PCDHA10: variants seen among roughly 807,000 people sequenced by gnomAD.
PCDHA10 encodes the protein protocadherin alpha-10.
In PCDHA10, 45 loss-of-function variants were observed where a neutral mutation model predicts 61.2. The observed-to-expected ratio is 0.74, with a 90% CI of 0.58 to 0.94. The LOEUF (loss-of-function observed/expected upper bound fraction) is 0.94. Among genes scored for constraint, PCDHA10 ranks in the 40% least tolerant of loss-of-function variants. PCDHA10 has a pLI of 0.00. For synonymous variants in PCDHA10, 602 were observed against 548.8 expected (o/e 1.10, Z -1.35); for missense variants, 1,278 against 1,236.2 (o/e 1.03, Z -0.51).
chr5:141,007,671 A>G (rs1161141271), intron 3 of PCDHA10, among the ~76,000 whole-genome samples: 1 of 152,184 alleles, frequency 6.6e-6, no homozygotes, highest in African/African-American at 2.4e-5. Context: ...TTACAAAGAC[A>G]AAAGTTATCC....
At position 140,927,035 on chromosome 5, in the gene PCDHA10, C is replaced by A. The variant is rs1554203936; in HGVS notation, c.2389-51914C>A. 2 of 1,612,296 alleles carry A rather than the reference C, an allele frequency of 1.2e-6. No homozygotes were observed. The highest frequency in any genetic ancestry group is 1.7e-6 in the Non-Finnish European group (2 of 1,178,902). Reference sequence around the variant, plus strand: ...TCCGCGGACTTGAGGCTGCCAGCGGCCGCTATGTCCTCGCGGAACTTTCGC... The same window carrying A: ...TCCGCGGACTTGAGGCTGCCAGCGGACGCTATGTCCTCGCGGAACTTTCGC... On this transcript the variant is annotated intron_variant, in intron 1 of 3. Transcript: ENST00000307360.
At position 140,855,909 on chromosome 5, in the gene PCDHA10, A is replaced by C. The variant is rs1554148009; in HGVS notation, c.-140A>C. The stretch of plus-strand genomic sequence containing the variant: ...GAACAAAGGCATCAGCCAGTTTCTC[A>C]AGGACTAGGAAGTAGCGTCATTCTG... On this transcript the variant is annotated 5_prime_UTR_variant, in exon 1 of 4. Coordinates refer to ENST00000307360, the MANE Select transcript of PCDHA10 (RefSeq NM_018901.4). The C allele has an allele frequency of 6.1e-6, 7 of 1,151,572 alleles. 1 individual carries two copies. The highest frequency in any genetic ancestry group is 4.6e-5 in the African/African-American group (3 of 65,014). 71.3% of individuals were successfully genotyped at this position (1,151,572 alleles called of 1,614,324 possible). A position where few individuals can be genotyped will look rare whatever the true frequency, so the allele number is the denominator to read the frequency against.
intron 1 of PCDHA10, chr5:140,881,460 G>T: frequency 1.6e-6 from 1 of 637,280 alleles, no homozygotes; most frequent in Non-Finnish European, 2.0e-6. Flanking sequence ...AAACCTTAGA[G>T]CATTGTTGTG....
At chr5:140,982,240 A>G (rs1257297614) in intron 2 of PCDHA10, 14 of 694,558 alleles carry the variant, frequency 2.0e-5, no homozygotes, top group Admixed American at 3.6e-5. Flanking sequence ...CAGAATTGCC[A>G]TAAAGATAGA....
chr5:140,973,078 C>T (rs111586419), intron 1 of PCDHA10, among the ~76,000 whole-genome samples: 5,544 of 152,208 alleles, frequency 0.036, 303 homozygotes, highest in African/African-American at 0.12. Context: ...GTGGGCCCAG[C>T]TGGCACAACA....
intron 1 of PCDHA10, chr5:140,876,557 A>C: frequency 6.2e-7 from 1 of 1,614,156 alleles, no homozygotes; most frequent in Admixed American, 1.7e-5. Context: ...GTGCAAGAGG[A>C]TGCTCAGGTG....
chr5:140,856,398 A>G lies in PCDHA10; in HGVS notation c.350A>G (p.His117Arg). Residue 117 changes from histidine (H) to arginine (R), a missense_variant, in exon 1 of 4, where the codon CAT (histidine) becomes CGT (arginine). His to Arg is a conservative substitution (Grantham distance 29, BLOSUM62 0). Coordinates refer to ENST00000307360, the MANE Select transcript of PCDHA10 (RefSeq NM_018901.4). ...GTGGACAGGCCGCTGCAGGTTTTCC[A>G]TGTGGACGTGGAAGTGAAGGACATT... ...VIVDRPLQVF[H>R]VDVEVKDIND... is the part of the protein sequence containing the mutation. 1 of 1,598,482 alleles carries G rather than the reference A, an allele frequency of 6.3e-7. No individual in the cohort carries two copies. The highest frequency in any genetic ancestry group is 8.6e-7 in the Non-Finnish European group (1 of 1,167,966).
Position 140,895,311 on chromosome 5 carries a change from C to T in PCDHA10, c.2388+36875C>T, listed in dbSNP as rs572826090. 2.0e-5 allele frequency among the ~76,000 whole-genome samples: 3 copies of T among 152,252 alleles called. No homozygotes were observed. The South Asian group carries it at 6.2e-4, about 32-fold the overall frequency. On this transcript the variant is annotated intron_variant, in intron 1 of 3. Transcript: ENST00000307360. ...GACCTTCGATTTCCCCCCTTCCACC[C>T]ATGACTATTGTTCTCAAATTGTTTT...
chr5:140,954,360 A>G (rs1203050549), intron 1 of PCDHA10, among the ~76,000 whole-genome samples: 2 of 152,212 alleles, frequency 1.3e-5, no homozygotes, highest in African/African-American at 4.8e-5. Flanking sequence ...GAATCGCCAC[A>G]CAGTCTCCCA....
At chr5:140,911,968 T>A (rs1554195054) in intron 1 of PCDHA10, among the ~76,000 whole-genome samples, 2 of 152,138 alleles carry the variant, frequency 1.3e-5, no homozygotes, top group East Asian at 3.9e-4. Flanking sequence ...TAAGGAGTAT[T>A]AACTCACATG....
chr5:141,007,915 A>G (rs561873534), intron 3 of PCDHA10, among the ~76,000 whole-genome samples: 5 of 152,308 alleles, frequency 3.3e-5, no homozygotes, highest in South Asian at 2.1e-4. Flanking sequence ...TGAAGATGCT[A>G]TATAAGCTGG....
intron 1 of PCDHA10, among the ~76,000 whole-genome samples, chr5:140,964,685 A>G (rs1209867922): frequency 1.3e-5 from 2 of 152,036 alleles, no homozygotes; most frequent in African/African-American, 4.8e-5. Context: ...CAATTTGTGC[A>G]CTTGAGAGAT....
intron 1 of PCDHA10, chr5:140,877,674 G>A: frequency 1.9e-6 from 3 of 1,613,628 alleles, no homozygotes; most frequent in South Asian, 1.1e-5. Flanking sequence ...GGTGCGCGCC[G>A]GGCAAGCCCA....
intron 3 of PCDHA10, among the ~76,000 whole-genome samples, chr5:141,002,953 T>G (rs2098104496): frequency 1.3e-5 from 2 of 152,230 alleles, no homozygotes; most frequent in Non-Finnish European, 2.9e-5. Context: ...CATGCCCCTC[T>G]GAGAGCTTTC....
intron 1 of PCDHA10, among the ~76,000 whole-genome samples, chr5:140,937,820 G>T (rs554138611): frequency 2.6e-5 from 4 of 151,792 alleles, no homozygotes; most frequent in African/African-American, 9.7e-5. Flanking sequence ...GCTGAGGCAG[G>T]AGAATGGCAT....
At chr5:140,897,803 C>A (rs1285512803) in intron 1 of PCDHA10, among the ~76,000 whole-genome samples, 2 of 152,130 alleles carry the variant, frequency 1.3e-5, no homozygotes, top group Non-Finnish European at 2.9e-5. Flanking sequence ...AGAGTCCCAC[C>A]AACAGTGTAA....
chr5:140,988,557 T>G (rs1236263807), intron 3 of PCDHA10, among the ~76,000 whole-genome samples: 3 of 152,190 alleles, frequency 2.0e-5, no homozygotes, highest in African/African-American at 7.2e-5. Context: ...CTTCATCTTC[T>G]TCTTGGGAAA....
intron 1 of PCDHA10, chr5:140,967,283 C>T: frequency 6.2e-7 from 1 of 1,613,158 alleles, no homozygotes; most frequent in Non-Finnish European, 8.5e-7. Context: ...AGAGAGTGCG[C>T]AGGACCCCGA....
At chr5:141,005,594 C>T (rs534928198) in intron 3 of PCDHA10, among the ~76,000 whole-genome samples, 10 of 147,680 alleles carry the variant, frequency 6.8e-5, no homozygotes, top group African/African-American at 1.8e-4. Flanking sequence ...CCCAGCTACA[C>T]AGGAGGCTGA....
Sources: allele counts gnomAD v4.1 joint callset (sites outside exome capture counted in the v4.1 genomes callset), GRCh38; gene constraint gnomAD v4.1.1; transcripts MANE v1.5; gene names NCBI Gene and HGNC (gene_info 2026-07-23, HGNC 2026-07-21).